The following AGBL4 variants were observed in gnomAD, a reference collection of about 807,000 sequenced individuals.
The protein encoded by AGBL4 is AGBL carboxypeptidase 4.
In AGBL4, 58 loss-of-function variants were observed where a neutral mutation model predicts 66.4. The observed-to-expected ratio is 0.87, with a 90% confidence interval of 0.71 to 1.09. The LOEUF (loss-of-function observed/expected upper bound fraction) is 1.09, where lower values mean the gene tolerates loss of function less well. Among genes scored for constraint, AGBL4 ranks in the 50% least tolerant of loss-of-function variants. The probability of loss-of-function intolerance (pLI) is 0.00; values close to 1 mark genes in which losing one functional copy is unlikely to be tolerated. For missense variants in AGBL4, 579 were observed against 631.0 expected (o/e 0.92, Z 0.88); for synonymous variants, 234 against 222.9 (o/e 1.05, Z -0.44).
chr1:49,652,127 G>A (rs929176700), intron 3 of AGBL4, among the ~76,000 whole-genome samples: 4 of 152,008 alleles, frequency 2.6e-5, no homozygotes, highest in Non-Finnish European at 4.4e-5. Context: ...TTTCTAATTA[G>A]CCCAATCAGT....
At chr1:49,550,562 C>T (rs1652873015) in intron 3 of AGBL4, among the ~76,000 whole-genome samples, 1 of 152,148 alleles carries the variant, frequency 6.6e-6, no homozygotes, top group Non-Finnish European at 1.5e-5. Flanking sequence ...ATACATGATG[C>T]TTAGTTTTGC....
chr1:48,968,174 A>G (rs1300289327), intron 5 of AGBL4, among the ~76,000 whole-genome samples: 4 of 152,102 alleles, frequency 2.6e-5, no homozygotes, highest in African/African-American at 9.7e-5. Context: ...GGAATTAGGG[A>G]TAGTATCCTA....
chr1:49,768,375 C>T (rs753442296), intron 2 of AGBL4, among the ~76,000 whole-genome samples: 5 of 152,050 alleles, frequency 3.3e-5, no homozygotes, highest in Non-Finnish European at 7.4e-5. Flanking sequence ...ATCAACATAT[C>T]CAAATCAATA....
intron 2 of AGBL4, among the ~76,000 whole-genome samples, chr1:49,782,809 C>T (rs1644367722): frequency 6.6e-6 from 1 of 152,126 alleles, no homozygotes; most frequent in Non-Finnish European, 1.5e-5. Flanking sequence ...CTCTCTTTGC[C>T]CTTCTGCCAT....
chr1:48,813,663 CT>C (rs745524549), intron 6 of AGBL4, among the ~76,000 whole-genome samples: 2 of 152,170 alleles, frequency 1.3e-5, no homozygotes, highest in Non-Finnish European at 2.9e-5. Flanking sequence ...TAAGGTGTTG[CT>C]TTGCTTCTCA....
intron 4 of AGBL4, among the ~76,000 whole-genome samples, chr1:49,162,724 G>C (rs1245816235): frequency 6.6e-6 from 1 of 152,130 alleles, no homozygotes; most frequent in African/African-American, 2.4e-5. Context: ...CTACCTCGGA[G>C]ACCTAAGACA....
At chr1:49,701,714 TC>T (rs1211894392) in intron 2 of AGBL4, among the ~76,000 whole-genome samples, 3 of 151,980 alleles carry the variant, frequency 2.0e-5, no homozygotes, top group Admixed American at 6.6e-5. Flanking sequence ...TTTGAAGTGA[TC>T]AACAAAAGTG....
At chr1:48,996,984 G>T (rs1375699728) in intron 5 of AGBL4, among the ~76,000 whole-genome samples, 2 of 152,124 alleles carry the variant, frequency 1.3e-5, no homozygotes, top group Non-Finnish European at 2.9e-5. Flanking sequence ...GTGCAATGGT[G>T]CAATCTCAGC....
intron 6 of AGBL4, among the ~76,000 whole-genome samples, chr1:48,806,471 A>G (rs1558007855): frequency 6.6e-6 from 1 of 152,000 alleles, no homozygotes; most frequent in Non-Finnish European, 1.5e-5. Flanking sequence ...CAAAATCCCT[A>G]CCTCTAGTGC....
chr1:49,158,398 G>A (rs1022112843), intron 4 of AGBL4, among the ~76,000 whole-genome samples: 2 of 152,100 alleles, frequency 1.3e-5, no homozygotes, highest in Admixed American at 1.3e-4. Context: ...TCTTAATCCT[G>A]AGTTCTAATT....
chr1:48,964,243 T>C (rs1398588346), intron 5 of AGBL4, among the ~76,000 whole-genome samples: 2 of 152,210 alleles, frequency 1.3e-5, no homozygotes, highest in Non-Finnish European at 2.9e-5. Context: ...GAGCCAGTTC[T>C]GCACCTGGTT....
chr1:49,668,891 A>G (rs1400823258), intron 3 of AGBL4, among the ~76,000 whole-genome samples: 4 of 152,146 alleles, frequency 2.6e-5, no homozygotes, highest in Non-Finnish European at 4.4e-5. Context: ...TATTGTCAAA[A>G]CCCAGAGCTA....
intron 5 of AGBL4, among the ~76,000 whole-genome samples, chr1:49,011,262 CA>C (rs1302176277): frequency 2.0e-5 from 3 of 152,080 alleles, no homozygotes; most frequent in Non-Finnish European, 4.4e-5. Flanking sequence ...TTTATGCAGC[CA>C]AAAGACACAT....
At chr1:49,559,933 C>T (rs150054694) in intron 3 of AGBL4, among the ~76,000 whole-genome samples, 90 of 152,216 alleles carry the variant, frequency 5.9e-4, no homozygotes, top group Middle Eastern at 3.4e-3. Flanking sequence ...TTACTTCTGT[C>T]TCTCTGGAGA....
At position 49,476,547 on chromosome 1, in the gene AGBL4, T is replaced by A. The variant is rs1450043323; in HGVS notation, c.282+220766A>T. On this transcript the variant is annotated intron_variant, in intron 3 of 13. Coordinates refer to ENST00000371839, the MANE Select transcript of AGBL4 (RefSeq NM_032785.4). ...TATTGGTGGCTGTCAATATTTTTTC[T>A]TAGGTCTAAAAGTACTTGATTTTTG... Among the ~76,000 whole-genome samples, 3 of 152,068 alleles carry A rather than the reference T, an allele frequency of 2.0e-5. 1 individual carries two copies. Among genetic ancestry groups the A allele is most frequent in the African/African-American group, 7.2e-5 (3 of 41,438 alleles).
intron 3 of AGBL4, among the ~76,000 whole-genome samples, chr1:49,355,514 G>A (rs1428524541): frequency 1.3e-5 from 2 of 152,052 alleles, no homozygotes; most frequent in African/African-American, 4.8e-5. Flanking sequence ...GATTCCATAT[G>A]TGTCCCCAAT....
chr1:48,669,685 G>C (rs566001721), intron 6 of AGBL4, among the ~76,000 whole-genome samples: 2 of 152,056 alleles, frequency 1.3e-5, no homozygotes, highest in Non-Finnish European at 2.9e-5. Flanking sequence ...CCAGACCACT[G>C]TGTCCTCACC....
intron 3 of AGBL4, among the ~76,000 whole-genome samples, chr1:49,440,628 G>C (rs1182205742): frequency 6.6e-6 from 1 of 152,112 alleles, no homozygotes; most frequent in African/African-American, 2.4e-5. Context: ...CCAGCTTCAG[G>C]AGGAGACACT....
chr1:49,527,639 C>T (rs1489605738), intron 3 of AGBL4: 2 of 152,400 alleles, frequency 1.3e-5, no homozygotes, highest in Admixed American at 6.6e-5. Context: ...AACTCCATCC[C>T]ACTTGACTGG....
Sources: gnomAD v4.1 joint callset for allele counts (sites outside exome capture counted in the v4.1 genomes callset) on GRCh38, gnomAD v4.1.1 for gene constraint, MANE v1.5 for transcripts, NCBI Gene and HGNC (gene_info 2026-07-23, HGNC 2026-07-21) for gene names.